Variants in SYTL2 observed in about 807,000 individuals in gnomAD.
SYTL2 encodes the protein synaptotagmin-like protein 2.
SYTL2 carries 165 observed loss-of-function variants against 198.7 expected under a neutral mutation model. The ratio of observed to expected loss-of-function variants is 0.83; its 90% CI spans 0.73 to 0.94. The LOEUF is 0.94. Among genes scored for constraint, SYTL2 ranks in the 40% least tolerant of loss-of-function variants. SYTL2 has a pLI of 0.00. For synonymous variants in SYTL2, 966 were observed against 917.7 expected (o/e 1.05, Z -0.95); for missense variants, 2,835 against 2,582.8 (o/e 1.10, Z -2.12).
chr11:85,769,386 T>C (rs746944421), intron 1 of SYTL2, among the ~76,000 whole-genome samples: 7 of 152,010 alleles, frequency 4.6e-5, no homozygotes, highest in Non-Finnish European at 8.8e-5. Flanking sequence ...GTTTTGAAGA[T>C]GGAGGAAGGG....
chr11:85,736,028 A>C (rs1222677974), intron 6 of SYTL2, among the ~76,000 whole-genome samples: 1 of 152,252 alleles, frequency 6.6e-6, no homozygotes, highest in African/African-American at 2.4e-5. Context: ...ATTCCATAGC[A>C]GGCTGACTTA....
chr11:85,740,083 G>T (rs915730661), intron 4 of SYTL2, among the ~76,000 whole-genome samples: 3 of 152,110 alleles, frequency 2.0e-5, no homozygotes, highest in Admixed American at 6.5e-5. Flanking sequence ...CAACTTTGGT[G>T]GTGTCTTTCT....
chr11:85,700,505 C>T lies in SYTL2; in HGVS notation c.6268+10G>A, dbSNP rs1378608579. 1.9e-6 allele frequency: 3 copies of T among 1,605,836 alleles called. No individual in the cohort carries two copies. The highest frequency in any genetic ancestry group is 4.5e-5 in the East Asian group (2 of 44,806). On this transcript the variant is annotated intron_variant, in intron 17 of 19. Transcript: ENST00000359152. ...AAGGACATAAATCTGAATAGAAAGTCATTACATACCAGGGACTGGCTCTGG... is the reference window on the plus strand; with the variant it reads ...AAGGACATAAATCTGAATAGAAAGTTATTACATACCAGGGACTGGCTCTGG...
chr11:85,705,655 A>G (rs1412177933), intron 15 of SYTL2, among the ~76,000 whole-genome samples: 1 of 152,224 alleles, frequency 6.6e-6, no homozygotes, highest in Non-Finnish European at 1.5e-5. Flanking sequence ...TCAATCTTTA[A>G]TTACATATAA....
chr11:85,824,760 G>A, the SYTL2 span, among the ~76,000 whole-genome samples: 3 of 152,180 alleles, frequency 2.0e-5, no homozygotes, highest in Non-Finnish European at 2.9e-5. Flanking sequence ...AGCAGGGCAG[G>A]GGAAAAGAAA....
At chr11:85,770,210 A>G (rs2092327847) in intron 1 of SYTL2, among the ~76,000 whole-genome samples, 1 of 152,162 alleles carries the variant, frequency 6.6e-6, no homozygotes, top group Admixed American at 6.5e-5. Flanking sequence ...TTAACTAAGT[A>G]CATCCTCATA....
At chr11:85,744,541 C>CTTA in intron 4 of SYTL2, among the ~76,000 whole-genome samples, 1 of 152,164 alleles carries the variant, frequency 6.6e-6, no homozygotes, top group East Asian at 1.9e-4. Context: ...CCTTAGAGTA[C>CTTA]CCATAGAGTC....
intron 1 of SYTL2, among the ~76,000 whole-genome samples, chr11:85,807,722 T>C (rs2092977170): frequency 6.6e-6 from 1 of 152,212 alleles, no homozygotes; most frequent in Non-Finnish European, 1.5e-5. Context: ...ATATTTGAGA[T>C]GTTTAGCAAG....
chr11:85,827,420 C>CT, the SYTL2 span, among the ~76,000 whole-genome samples: 1 of 152,216 alleles, frequency 6.6e-6, no homozygotes, highest in South Asian at 2.1e-4. Context: ...GCTCCCTGTA[C>CT]TTTATCTATT....
chr11:85,827,270 G>C, the SYTL2 span, among the ~76,000 whole-genome samples: 13 of 152,164 alleles, frequency 8.5e-5, no homozygotes, highest in Admixed American at 8.5e-4. Flanking sequence ...GAGGCCCCTA[G>C]GTGGACCCCA....
At chr11:85,795,213 G>A (rs996089598) in intron 1 of SYTL2, among the ~76,000 whole-genome samples, 1 of 151,924 alleles carries the variant, frequency 6.6e-6, no homozygotes. Flanking sequence ...TACCACCACC[G>A]CTAAGTTTAT....
At chr11:85,716,644 C>T (rs2087287177) in intron 11 of SYTL2, 2 of 151,324 alleles carry the variant, frequency 1.3e-5, no homozygotes, top group South Asian at 2.1e-4. Flanking sequence ...CTTCATACCC[C>T]CAGTGCCTAG....
the SYTL2 span, among the ~76,000 whole-genome samples, chr11:85,836,134 T>C: frequency 6.6e-6 from 1 of 152,332 alleles, no homozygotes; most frequent in East Asian, 1.9e-4. Context: ...AACTAATCCC[T>C]GCACCTCACT....
At chr11:85,781,098 C>T (rs2092552569) in intron 1 of SYTL2, among the ~76,000 whole-genome samples, 1 of 152,134 alleles carries the variant, frequency 6.6e-6, no homozygotes, top group Non-Finnish European at 1.5e-5. Flanking sequence ...TGAAGACATA[C>T]CTAAGACTGG....
At chr11:85,741,712 T>C (rs761352573) in intron 4 of SYTL2, among the ~76,000 whole-genome samples, 1 of 152,118 alleles carries the variant, frequency 6.6e-6, no homozygotes, top group Non-Finnish European at 1.5e-5. Flanking sequence ...GTAAACGCAA[T>C]AGCTAATCCT....
rs2089345505 is a variant in SYTL2, at chr11:85,727,586, G to T, written c.1772C>A (p.Pro591Gln). ...IELKPVRSDS[P>Q]FQAEGDMLVS... ...CAGCATATCTCCCTCTGCTTGGAAT[G>T]GTGAGTCAGATCTCACAGGCTTCAA... Residue 591 changes from proline to glutamine, a missense_variant, in exon 8 of 20, where the codon CCA becomes CAA. Coordinates refer to ENST00000359152, the MANE Select transcript of SYTL2 (RefSeq NM_206927.4). The T allele has an allele frequency of 1.3e-6, 2 of 1,536,048 alleles. No homozygotes were observed. Among genetic ancestry groups the T allele is most frequent in the East Asian group, 4.9e-5 (2 of 40,896 alleles).
Position 85,739,026 on chromosome 11 carries a change from C to A in SYTL2, c.390-1370G>T, listed in dbSNP as rs2090578848. On this transcript the variant is annotated intron_variant, in intron 4 of 19. Transcript: ENST00000359152. ...GAGATGAGGTCTCTCCCTTACTGAG[C>A]TGTACCTAGCTATGTATTTCATGTC... Among the ~76,000 whole-genome samples the A allele has an allele frequency of 5.9e-5, 9 of 152,300 alleles. No individual in the cohort carries two copies. The South Asian group carries it at 1.7e-3, about 28-fold the overall frequency.
At chr11:85,788,099 G>C (rs1048787136) in intron 1 of SYTL2, among the ~76,000 whole-genome samples, 3 of 152,148 alleles carry the variant, frequency 2.0e-5, no homozygotes, top group Non-Finnish European at 4.4e-5. Flanking sequence ...GGCAGGGAAG[G>C]ACAAACAGGG....
chr11:85,784,473 CTCTG>C (rs926278168), intron 1 of SYTL2, among the ~76,000 whole-genome samples: 2 of 152,006 alleles, frequency 1.3e-5, no homozygotes, highest in South Asian at 2.1e-4. Context: ...ATATGATATT[CTCTG>C]TCTTACTGGT....
Sources: allele counts gnomAD v4.1 joint callset (sites outside exome capture counted in the v4.1 genomes callset), GRCh38; gene constraint gnomAD v4.1.1; transcripts MANE v1.5; gene names NCBI Gene and HGNC (gene_info 2026-07-23, HGNC 2026-07-21).